Variants in PSMB8 observed in about 807,000 individuals in gnomAD.
The protein encoded by PSMB8 is proteasome 20S subunit beta 8, also known as proteasome subunit beta type-8.
PSMB8 carries 20 observed loss-of-function variants against 32.3 expected under a neutral mutation model. The ratio of observed to expected loss-of-function variants is 0.62; its 90% CI spans 0.44 to 0.90. The LOEUF is 0.90. Among genes scored for constraint, PSMB8 ranks in the 40% least tolerant of loss-of-function variants. PSMB8 has a pLI of 0.00. For synonymous variants in PSMB8, 131 were observed against 135.4 expected (o/e 0.97, Z 0.23); for missense variants, 342 against 365.4 (o/e 0.94, Z 0.52).
chr6:32,842,099 A>T (rs1769938408), intron 4 of PSMB8, 35 bp downstream of exon 4: 1 of 1,612,978 alleles, frequency 6.2e-7, no homozygotes. Context: ...CATAGGGAAC[A>T]TGGTGGGGGA....
In PSMB8 at chr6:32,842,708, C is replaced by T. The variant is rs767636318; in HGVS notation, c.371G>A (p.Cys124Tyr). 4 of 1,614,102 alleles carry T rather than the reference C, an allele frequency of 2.5e-6. No individual in the cohort carries two copies. Among genetic ancestry groups the T allele is most frequent in the Admixed American group, 1.7e-5 (1 of 60,008 alleles). ...LGTMSGCAAD[C>Y]QYWERLLAKE... is the part of the protein sequence containing the mutation. ...GGCCAGCAGGCGCTCCCAGTACTGACAGTCTGCTGCACAGCCAGACATGGT... is the reference window on the plus strand; with the variant it reads ...GGCCAGCAGGCGCTCCCAGTACTGATAGTCTGCTGCACAGCCAGACATGGT... The change falls in exon 3 of 6, where the codon TGT becomes TAT. Residue 124 changes from cysteine (C) to tyrosine (Y), a missense_variant. By Grantham distance (194) the Cys-to-Tyr change is radical. Transcript: ENST00000374882.
At position 32,842,689 on chromosome 6, in the gene PSMB8, C is replaced by T; in HGVS notation, c.390G>A (p.Leu130=). Residue 130 remains leucine, a synonymous_variant, in exon 3 of 6, where the codon CTG becomes CTA. Coordinates refer to ENST00000374882, the MANE Select transcript of PSMB8 (RefSeq NM_148919.4). ...TCGCTTACCTGCATTCCTTGGCCAG[C>T]AGGCGCTCCCAGTACTGACAGTCTG... ...CAADCQYWER[L]LAKECRLYYL... is the part of the protein sequence containing the mutation. 6.2e-7 allele frequency: 1 copy of T among 1,614,072 alleles called. No individual in the cohort carries two copies. Among genetic ancestry groups the T allele is most frequent in the East Asian group, 2.2e-5 (1 of 44,890 alleles).
chr6:32,840,954 C>G lies in PSMB8; in HGVS notation c.*5G>C. 1 of 1,610,640 alleles carries G rather than the reference C, an allele frequency of 6.2e-7. No homozygotes were observed. The highest frequency in any genetic ancestry group is 8.5e-7 in the Non-Finnish European group (1 of 1,176,838). On this transcript the variant is annotated 3_prime_UTR_variant, in exon 6 of 6. Transcript: ENST00000374882. Reference sequence around the variant, plus strand: ...AGGAGACCTGCCCAGCTGCCACCACCACCATTATTGATTGGCTTCCCGGTA... The same window carrying G: ...AGGAGACCTGCCCAGCTGCCACCACGACCATTATTGATTGGCTTCCCGGTA...
upstream of PSMB8, chr6:32,844,502 G>C (rs894998153): frequency 2.6e-6 from 4 of 1,513,886 alleles, no homozygotes; most frequent in East Asian, 9.1e-5. Flanking sequence ...TATACCCGCC[G>C]CGTGTAGGGG....
upstream of PSMB8, chr6:32,844,146 A>C (rs564491094): frequency 6.6e-7 from 1 of 1,509,458 alleles, no homozygotes; most frequent in Non-Finnish European, 9.0e-7. Context: ...GGACCATCAC[A>C]CTGGGGACCG....
chr6:32,843,452 G>A (rs1445685709), intron 1 of PSMB8, among the ~76,000 whole-genome samples: 1 of 152,154 alleles, frequency 6.6e-6, no homozygotes, highest in Non-Finnish European at 1.5e-5. Flanking sequence ...TTGGGACCTA[G>A]ACTAAGTGAC....
chr6:32,842,610 G>T, intron 3 of PSMB8, 62 bp downstream of exon 3: 3 of 1,361,096 alleles, frequency 2.2e-6, no homozygotes, highest in Non-Finnish European at 2.1e-6. Flanking sequence ...AAGGAGCAAT[G>T]ATCTGAGAGA....
chr6:32,842,070 G>A (rs56012335), intron 4 of PSMB8, 64 bp downstream of exon 4: 26 of 1,611,302 alleles, frequency 1.6e-5, no homozygotes, highest in Non-Finnish European at 2.2e-5. Context: ...AGTATATGAT[G>A]GGAAACAGAT....
At chr6:32,844,527 G>C, upstream of PSMB8, 4 of 1,311,868 alleles carry the variant, frequency 3.0e-6, no homozygotes, top group Non-Finnish European at 4.3e-6. Flanking sequence ...CGGCGCCAGG[G>C]AGAGGGCGCA....
At chr6:32,841,792 G>C in intron 4 of PSMB8, 57 bp from the exon 5 acceptor site, 1 of 1,484,882 alleles carries the variant, frequency 6.7e-7, no homozygotes, top group East Asian at 2.3e-5. Flanking sequence ...GTAACATGGG[G>C]GTTCAAATAT....
chr6:32,842,047 G>A, intron 4 of PSMB8, 87 bp downstream of exon 4: 3 of 1,598,126 alleles, frequency 1.9e-6, no homozygotes, highest in Non-Finnish European at 2.6e-6. Context: ...CATCTTGTCA[G>A]GGAGGGAGTA....
At chr6:32,841,809 T>C (rs1477087225) in intron 4 of PSMB8, 74 bp from the exon 5 acceptor site, 31 of 1,389,416 alleles carry the variant, frequency 2.2e-5, no homozygotes, top group Non-Finnish European at 3.2e-5. Context: ...ATATGAGACA[T>C]AAAAAGTGAA....
rs1026485059 is a variant in PSMB8, at chr6:32,840,886, A to T, written c.*73T>A. ...AGGCTAGGCCTCTTCTTCTCCTTGG[A>T]CTTAACGTGGCTTAGGTCCCTGAGT... is the stretch of plus-strand genomic sequence containing the variant. On this transcript the variant is annotated 3_prime_UTR_variant, in exon 6 of 6. Coordinates refer to ENST00000374882, the MANE Select transcript of PSMB8 (RefSeq NM_148919.4). 7.6e-7 allele frequency: 1 copy of T among 1,320,806 alleles called. No homozygotes were observed. The highest frequency in any genetic ancestry group is 1.5e-5 in the African/African-American group (1 of 68,806). 81.8% of individuals were successfully genotyped at this position (1,320,806 alleles called of 1,614,324 possible). A position where few individuals can be genotyped will look rare whatever the true frequency, so the allele number is the denominator to read the frequency against.
At chr6:32,844,672 C>A (rs1287489450), upstream of PSMB8, 3 of 517,270 alleles carry the variant, frequency 5.8e-6, no homozygotes, top group African/African-American at 3.8e-5. Context: ...CTGAGCACTG[C>A]GGAGTTTCAC....
upstream of PSMB8, chr6:32,844,182 G>A (rs188570976): frequency 9.7e-4 from 1,495 of 1,543,808 alleles, 10 homozygotes; most frequent in African/African-American, 0.018. Context: ...CGTTATGGGG[G>A]TCGGGGGAAT....
At chr6:32,842,306 T>C (rs780409609) in intron 3 of PSMB8, 43 bp from the exon 4 acceptor site, 1 of 1,608,384 alleles carries the variant, frequency 6.2e-7, no homozygotes, top group East Asian at 2.2e-5. Flanking sequence ...AGGTTAGCTC[T>C]TTCCAACTTG....
intron 5 of PSMB8, 54 bp from the exon 6 acceptor site, chr6:32,841,101 T>C: frequency 2.1e-6 from 3 of 1,428,764 alleles, no homozygotes; most frequent in Non-Finnish European, 3.0e-6. Flanking sequence ...AGCAAGTTCC[T>C]GTCACTGATG....
intron 1 of PSMB8, 64 bp downstream of exon 1, chr6:32,843,786 G>A (rs991552742): frequency 3.1e-6 from 5 of 1,597,020 alleles, no homozygotes; most frequent in Non-Finnish European, 3.4e-6. Flanking sequence ...CCTCCTCTCA[G>A]GCGACCCTCC....
intron 1 of PSMB8, among the ~76,000 whole-genome samples, chr6:32,843,352 A>G (rs933509238): frequency 4.6e-5 from 7 of 152,204 alleles, no homozygotes; most frequent in Admixed American, 1.3e-4. Flanking sequence ...AAATTTTGAG[A>G]GTGACTTAAA....
Sources: gnomAD v4.1 joint callset for allele counts (sites outside exome capture counted in the v4.1 genomes callset) on GRCh38, gnomAD v4.1.1 for gene constraint, MANE v1.5 for transcripts, NCBI Gene and HGNC (gene_info 2026-07-23, HGNC 2026-07-21) for gene names.